Variants in TENM2 observed in about 807,000 individuals in gnomAD.
TENM2 encodes the protein teneurin-2.
Under a neutral mutation model 245.2 loss-of-function variants are expected in TENM2, and 52 were observed. The ratio of observed to expected loss-of-function variants is 0.21; its 90% confidence interval spans 0.17 to 0.27. TENM2 has a LOEUF of 0.27. TENM2 is among the 10% of genes least tolerant of loss of function. The pLI is 1.00. For missense variants in TENM2, 3,046 were observed against 3,666.8 expected, an observed-to-expected ratio of 0.83 and a Z score of 4.37; for synonymous variants, 1,363 against 1,438.9, an observed-to-expected ratio of 0.95 and a Z score of 1.19.
At chr5:168,205,432 A>T (rs977265371) in intron 19 of TENM2, among the ~76,000 whole-genome samples, 3 of 152,162 alleles carry the variant, frequency 2.0e-5, no homozygotes, top group Non-Finnish European at 2.9e-5. Flanking sequence ...AATTTCCTGT[A>T]TCCTTAATTG....
At chr5:167,805,601 A>G (rs1766105640) in intron 2 of TENM2, among the ~76,000 whole-genome samples, 1 of 152,176 alleles carries the variant, frequency 6.6e-6, no homozygotes, top group African/African-American at 2.4e-5. Flanking sequence ...TACCTCCCAC[A>G]GTGGCAGTAA....
At chr5:167,780,638 C>T (rs1764127317) in intron 2 of TENM2, among the ~76,000 whole-genome samples, 1 of 152,114 alleles carries the variant, frequency 6.6e-6, no homozygotes, top group South Asian at 2.1e-4. Flanking sequence ...GTGCTGCTGG[C>T]CATGAGTTCA....
chr5:167,647,753 G>A (rs1162282026), intron 2 of TENM2, among the ~76,000 whole-genome samples: 1 of 152,150 alleles, frequency 6.6e-6, no homozygotes, highest in Non-Finnish European at 1.5e-5. Flanking sequence ...CCCTGGAGGT[G>A]CCCCATGATC....
intron 12 of TENM2, among the ~76,000 whole-genome samples, chr5:168,146,666 A>G (rs1425740722): frequency 2.6e-5 from 4 of 152,236 alleles, no homozygotes; most frequent in African/African-American, 9.6e-5. Context: ...CTAAGTTCTC[A>G]GCATGGCTCC....
chr5:168,108,037 T>C (rs772678751), intron 9 of TENM2, among the ~76,000 whole-genome samples: 1 of 152,240 alleles, frequency 6.6e-6, no homozygotes, highest in African/African-American at 2.4e-5. Context: ...CTGCTAAATG[T>C]CTGGTTACTT....
At chr5:168,092,953 A>G (rs1418142890) in intron 8 of TENM2, among the ~76,000 whole-genome samples, 2 of 152,230 alleles carry the variant, frequency 1.3e-5, no homozygotes, top group Non-Finnish European at 2.9e-5. Flanking sequence ...CCCATGGAGT[A>G]GCCACATGAG....
intron 7 of TENM2, among the ~76,000 whole-genome samples, chr5:168,065,477 A>C (rs1790412518): frequency 6.6e-6 from 1 of 152,202 alleles, no homozygotes; most frequent in South Asian, 2.1e-4. Context: ...TTGTAATTAC[A>C]CAATAACAAC....
intron 2 of TENM2, among the ~76,000 whole-genome samples, chr5:167,727,551 CTG>C (rs1760114045): frequency 6.6e-6 from 1 of 152,242 alleles, no homozygotes; most frequent in South Asian, 2.1e-4. Context: ...AAGCTTACTA[CTG>C]TTGTAACGTA....
At chr5:167,906,793 C>T (rs73372718) in intron 3 of TENM2, among the ~76,000 whole-genome samples, 3,696 of 152,000 alleles carry the variant, frequency 0.024, 158 homozygotes, top group African/African-American at 0.083. Context: ...TAATTGGCTA[C>T]GTTACATCCC....
At chr5:166,988,618 C>A in the TENM2 span, among the ~76,000 whole-genome samples, 1 of 152,178 alleles carries the variant, frequency 6.6e-6, no homozygotes, top group African/African-American at 2.4e-5. Context: ...TTCTGGCTAA[C>A]GTAGGTGGAA....
At chr5:167,536,948 C>T (rs577123226) in intron 2 of TENM2, among the ~76,000 whole-genome samples, 19 of 151,936 alleles carry the variant, frequency 1.3e-4, no homozygotes, top group African/African-American at 2.9e-4. Flanking sequence ...CGCTTGAACC[C>T]GGGAGGTGGA....
rs576164078 is a variant in TENM2 at position 167,400,386 on chromosome 5, G to A, written c.502+24913G>A. ...GAGTGGGTTTTAAGGACTACAAGTA[G>A]GATGACTAGGTTAGAGTATAGTCAA... On this transcript the variant is annotated intron_variant, in intron 2 of 28. Coordinates refer to ENST00000518659, the Ensembl canonical transcript of TENM2. Among the ~76,000 whole-genome samples, 9 of 152,140 alleles carry A rather than the reference G, an allele frequency of 5.9e-5. 1 individual carries two copies. The South Asian group carries it at 1.9e-3, about 32-fold the overall frequency.
chr5:168,136,355 T>C (rs1259898306), intron 12 of TENM2, among the ~76,000 whole-genome samples: 1 of 152,202 alleles, frequency 6.6e-6, no homozygotes, highest in Non-Finnish European at 1.5e-5. Context: ...GTGTCTTGCA[T>C]GCTCATATTT....
At chr5:168,166,020 T>TA (rs1006680247) in intron 13 of TENM2, 2 of 152,178 alleles carry the variant, frequency 1.3e-5, no homozygotes, top group African/African-American at 4.8e-5. Flanking sequence ...CTTTGCTGTT[T>TA]ATTGATAAAT....
At chr5:167,924,957 C>T (rs1183376332) in intron 3 of TENM2, among the ~76,000 whole-genome samples, 8 of 152,094 alleles carry the variant, frequency 5.3e-5, no homozygotes, top group Admixed American at 6.5e-5. Context: ...CTGGTACAAC[C>T]ATTTTGGAAA....
the TENM2 span, among the ~76,000 whole-genome samples, chr5:167,183,150 C>T: frequency 6.6e-6 from 1 of 152,144 alleles, no homozygotes; most frequent in Non-Finnish European, 1.5e-5. Context: ...CATTTTATAC[C>T]TCTCATTCAC....
chr5:167,309,561 A>C (rs75154773), intron 1 of TENM2, among the ~76,000 whole-genome samples: 1,767 of 152,272 alleles, frequency 0.012, 34 homozygotes, highest in African/African-American at 0.041. Flanking sequence ...AACCTCTGCT[A>C]TGTGCTTTAT....
At chr5:167,726,573 C>T (rs1760022380) in intron 2 of TENM2, among the ~76,000 whole-genome samples, 1 of 152,108 alleles carries the variant, frequency 6.6e-6, no homozygotes, top group Admixed American at 6.5e-5. Flanking sequence ...ATCTTCCTGC[C>T]TCAGCCTGCC....
chr5:167,941,417 A>C (rs1779168745), intron 3 of TENM2, among the ~76,000 whole-genome samples: 1 of 152,190 alleles, frequency 6.6e-6, no homozygotes, highest in Non-Finnish European at 1.5e-5. Flanking sequence ...AAGTGTGAAA[A>C]ATAAGTGCAC....
Sources: allele counts gnomAD v4.1 joint callset (sites outside exome capture counted in the v4.1 genomes callset), GRCh38; gene constraint gnomAD v4.1.1; transcripts MANE v1.5; gene names NCBI Gene and HGNC (gene_info 2026-07-23, HGNC 2026-07-21).